GPC3: variants seen among roughly 807,000 people sequenced by gnomAD.
The protein encoded by GPC3 is glypican 3.
A neutral mutation model predicts 34.4 loss-of-function variants in GPC3; 3 were observed. The ratio of observed to expected loss-of-function variants is 0.09; its 90% CI spans 0.04 to 0.23. The LOEUF (loss-of-function observed/expected upper bound fraction) is 0.23. Among genes scored for constraint, GPC3 ranks in the 10% least tolerant of loss-of-function variants. The pLI is 1.00. For synonymous variants in GPC3, 177 were observed against 174.0 expected, an observed-to-expected ratio of 1.02 and a Z score of -0.13; for missense variants, 351 against 445.6, an observed-to-expected ratio of 0.79 and a Z score of 1.91.
At chrX:133,737,847 A>G (rs2071525111) in intron 3 of GPC3, among the ~76,000 whole-genome samples, 2 of 112,429 alleles carry the variant, frequency 1.8e-5, no homozygotes, top group Non-Finnish European at 3.8e-5. Context: ...CTATATTTTT[A>G]AAATCTAGAA....
rs1603155018 is a variant in GPC3, at chrX:133,556,465, C to T, written c.1574-20172G>A. Among the ~76,000 whole-genome samples the T allele has an allele frequency of 6.3e-5, 7 of 110,765 alleles. 2 individuals are homozygous for T. In the Admixed American group the frequency reaches 6.7e-4, roughly 11 times the overall value. ...AAGGAATTTCATAGTATTAATATAA[C>T]ACAATTAACCATTTTCCCACTGATG... is the stretch of plus-strand genomic sequence containing the variant. On this transcript the variant is annotated intron_variant, in intron 7 of 7. Coordinates refer to ENST00000370818, the MANE Select transcript of GPC3 (RefSeq NM_004484.4).
intron 7 of GPC3, among the ~76,000 whole-genome samples, chrX:133,556,653 G>C (rs2069491111): frequency 9.3e-6 from 1 of 107,875 alleles, no homozygotes; most frequent in Admixed American, 1.0e-4. Flanking sequence ...AGGTGGTACA[G>C]ATTGGTTGGA....
chrX:133,914,999 C>T (rs1015837883), intron 2 of GPC3, among the ~76,000 whole-genome samples: 130 of 67,381 alleles, frequency 1.9e-3, no homozygotes, highest in Middle Eastern at 0.011. Context: ...ATATTCTTTT[C>T]TTTATAAAAT....
chrX:133,785,071 C>A (rs1158690248), intron 2 of GPC3, among the ~76,000 whole-genome samples: 2 of 111,707 alleles, frequency 1.8e-5, no homozygotes, highest in African/African-American at 6.5e-5. Context: ...TTTGAATAAA[C>A]CAGGATGGGA....
intron 6 of GPC3, among the ~76,000 whole-genome samples, chrX:133,616,882 T>C (rs952832613): frequency 2.8e-5 from 3 of 108,514 alleles, no homozygotes; most frequent in Non-Finnish European, 5.7e-5. Flanking sequence ...TATTTTTTAG[T>C]AGAGATGGGG....
chrX:133,863,902 G>T (rs369488607), intron 2 of GPC3, among the ~76,000 whole-genome samples: 1 of 108,217 alleles, frequency 9.2e-6, no homozygotes, highest in African/African-American at 3.4e-5. Context: ...TGATCCACCC[G>T]CCTCGGCCTC....
In GPC3 at chrX:133,671,145, T is replaced by A. The variant is rs766458382; in HGVS notation, c.1293-9295A>T. ...AAAATGTACAAGACCACACCAGATGTCATCTTTGTATTTGGATTCAGAACT... is the reference window on the plus strand; with the variant it reads ...AAAATGTACAAGACCACACCAGATGACATCTTTGTATTTGGATTCAGAACT... On this transcript the variant is annotated intron_variant, in intron 5 of 7. Coordinates refer to ENST00000370818, the MANE Select transcript of GPC3 (RefSeq NM_004484.4). 6.8e-6 allele frequency: 7 copies of A among 1,033,597 alleles called. No individual in the cohort carries two copies. The East Asian group carries it at 2.1e-4, about 31-fold the overall frequency. The allele number at this position is 1,033,597 out of a possible 1,213,427, so 85.2% of individuals were successfully genotyped here.
chrX:133,800,231 TG>T (rs1569435674), intron 2 of GPC3, among the ~76,000 whole-genome samples: 1 of 112,626 alleles, frequency 8.9e-6, no homozygotes, highest in Non-Finnish European at 1.9e-5. Flanking sequence ...GTCATGTGAT[TG>T]GAAGACTATT....
intron 6 of GPC3, among the ~76,000 whole-genome samples, chrX:133,653,291 T>A (rs1603211426): frequency 8.9e-6 from 1 of 111,793 alleles, no homozygotes; most frequent in East Asian, 2.8e-4. Flanking sequence ...AATGGGGGAC[T>A]TAGAACAACC....
At chrX:133,797,478 C>T (rs1030107676) in intron 2 of GPC3, among the ~76,000 whole-genome samples, 2 of 110,930 alleles carry the variant, frequency 1.8e-5, no homozygotes, top group Non-Finnish European at 3.8e-5. Flanking sequence ...ACCAGCTCTA[C>T]CCCCCTGAGA....
chrX:133,578,195 T>A (rs777747198), intron 7 of GPC3, among the ~76,000 whole-genome samples: 2 of 112,193 alleles, frequency 1.8e-5, no homozygotes, highest in East Asian at 2.8e-4. Context: ...TTGCCCAAGG[T>A]GGAAACAGTG....
chrX:133,546,240 C>G (rs755126925), intron 7 of GPC3, among the ~76,000 whole-genome samples: 2 of 110,818 alleles, frequency 1.8e-5, no homozygotes, highest in Non-Finnish European at 3.8e-5. Context: ...AGTTCTGAGA[C>G]ATTAAGGTTA....
At chrX:133,886,380 A>G (rs988824482) in intron 2 of GPC3, among the ~76,000 whole-genome samples, 20 of 110,732 alleles carry the variant, frequency 1.8e-4, no homozygotes, top group African/African-American at 5.9e-4. Context: ...GGGAGTAGAA[A>G]AGAACTCAGG....
chrX:133,662,752 C>T (rs963318412), intron 5 of GPC3, among the ~76,000 whole-genome samples: 11 of 111,698 alleles, frequency 9.8e-5, no homozygotes, highest in Admixed American at 9.5e-4. Flanking sequence ...AACACCATTG[C>T]CAAAGAGAGA....
At chrX:133,586,025 G>GC (rs1443510004) in intron 7 of GPC3, among the ~76,000 whole-genome samples, 1 of 112,081 alleles carries the variant, frequency 8.9e-6, no homozygotes, top group African/African-American at 3.2e-5. Flanking sequence ...CCTGATAAAA[G>GC]CCTTATAGCC....
At chrX:133,928,582 C>A (rs1184853561) in intron 2 of GPC3, among the ~76,000 whole-genome samples, 1 of 112,004 alleles carries the variant, frequency 8.9e-6, no homozygotes, top group Non-Finnish European at 1.9e-5. Flanking sequence ...TTTCCCTACA[C>A]CCTTGTCAAC....
At chrX:133,952,871 T>C (rs2076399120) in intron 2 of GPC3, among the ~76,000 whole-genome samples, 179 bp downstream of exon 2, 1 of 112,617 alleles carries the variant, frequency 8.9e-6, no homozygotes, top group African/African-American at 3.2e-5. Flanking sequence ...TTCCAAAGAT[T>C]GAAATGAAGC....
chrX:133,624,580 G>A (rs2070276086), intron 6 of GPC3, among the ~76,000 whole-genome samples: 1 of 111,407 alleles, frequency 9.0e-6, no homozygotes, highest in Non-Finnish European at 1.9e-5. Context: ...AAAATTCCTG[G>A]ACACATACAC....
chrX:133,651,253 G>A (rs145448729), intron 6 of GPC3, among the ~76,000 whole-genome samples: 21 of 108,558 alleles, frequency 1.9e-4, no homozygotes, highest in Non-Finnish European at 3.8e-4. Flanking sequence ...GCGCGATCTC[G>A]GCTCACTGCA....
Sources: gnomAD v4.1 joint callset for allele counts (sites outside exome capture counted in the v4.1 genomes callset) on GRCh38, gnomAD v4.1.1 for gene constraint, MANE v1.5 for transcripts, NCBI Gene and HGNC (gene_info 2026-07-23, HGNC 2026-07-21) for gene names.